DACT2: variants seen among roughly 807,000 people sequenced by gnomAD.
DACT2 encodes the protein dishevelled binding antagonist of beta catenin 2, also known as dapper homolog 2.
DACT2 carries 20 observed loss-of-function variants against 22.2 expected under a neutral mutation model. The observed-to-expected ratio is 0.90, with a 90% CI of 0.63 to 1.31. DACT2 has a LOEUF of 1.31. Among genes scored for constraint, DACT2 ranks in the 50% most tolerant of loss-of-function variants. DACT2 has a pLI of 0.00. For synonymous variants in DACT2, 463 were observed against 479.8 expected, an observed-to-expected ratio of 0.96 and a Z score of 0.46; for missense variants, 1,048 against 1,061.4, an observed-to-expected ratio of 0.99 and a Z score of 0.18.
intron 2 of DACT2, 54 bp from the exon 3 acceptor site, chr6:168,310,500 C>T (rs1431230545): frequency 4.1e-5 from 63 of 1,522,174 alleles, no homozygotes; most frequent in Admixed American, 2.4e-5. Flanking sequence ...AAGCCCAGGG[C>T]CCCCTCTCCT....
chr6:168,296,995 T>C (rs1336421448), intron 3 of DACT2, among the ~76,000 whole-genome samples: 2 of 152,218 alleles, frequency 1.3e-5, no homozygotes, highest in African/African-American at 4.8e-5. Flanking sequence ...ATGTAGAGGT[T>C]AATTCACAAA....
At position 168,293,854 on chromosome 6, in the gene DACT2, T is replaced by G. The variant is rs1355001706; in HGVS notation, c.*40A>C. On this transcript the variant is annotated 3_prime_UTR_variant, in exon 6 of 6. Transcript: ENST00000366796. ...CAGGACCCGACTTCCAGCCTGTGAC[T>G]GGTCAGTCAATGCAGCCCCCAGCTT... 7.1e-6 allele frequency: 5 copies of G among 703,088 alleles called. No individual in the cohort carries two copies. The East Asian group carries it at 8.0e-5, about 11-fold the overall frequency. The allele number at this position is 703,088 out of a possible 1,614,324, so 43.6% of individuals were successfully genotyped here. A position where few individuals can be genotyped will look rare whatever the true frequency, so the allele number is the denominator to read the frequency against.
intron 1 of DACT2, among the ~76,000 whole-genome samples, chr6:168,311,971 T>C (rs1779432032): frequency 6.6e-6 from 1 of 152,184 alleles, no homozygotes; most frequent in African/African-American, 2.4e-5. Context: ...CCTTGGTGCC[T>C]GGGGAGCACA....
rs73789362 is a variant in DACT2 at position 168,307,821 on chromosome 6, C to A, written c.1936G>T (p.Gly646Cys). The A allele has an allele frequency of 0.013, 20,620 of 1,539,294 alleles. 893 individuals are homozygous for A. Among genetic ancestry groups the A allele is most frequent in the African/African-American group, 0.12 (8,835 of 73,028 alleles). Residue 646 changes from glycine (G) to cysteine (C), a missense_variant, in exon 4 of 4, where the codon GGC becomes TGC. Transcript: ENST00000366795. This position sits in a 1 kb window ranked among gnomAD's most constrained non-coding sequence, Gnocchi z 5.3. ...TCCTGGCGGACCAGTGAGGGACGGCCCCGGGCCAGTGGGCCACCTGCTCTC... is the reference window on the plus strand; with the variant it reads ...TCCTGGCGGACCAGTGAGGGACGGCACCGGGCCAGTGGGCCACCTGCTCTC... ...ARRAGGPLAR[G>C]RPSLVRQDAY...
Position 168,293,020 on chromosome 6 carries a change from C to A in DACT2, c.*874G>T, listed in dbSNP as rs1006916736. On this transcript the variant is annotated 3_prime_UTR_variant, in exon 6 of 6. Coordinates refer to the DACT2 transcript ENST00000366796. ...ATTTACAACCTAATTCTGGCAGTGT[C>A]CTAAAAAGACACATTGTAAATAATT... 2.4e-4 allele frequency: 37 copies of A among 152,068 alleles called. 1 individual carries two copies. Among genetic ancestry groups the A allele is most frequent in the Admixed American group, 2.0e-3 (31 of 15,268 alleles). 9.4% of individuals were successfully genotyped at this position (152,068 alleles called of 1,614,324 possible). A position where few individuals can be genotyped will look rare whatever the true frequency, so the allele number is the denominator to read the frequency against.
chr6:168,311,569 A>ACACTCACAC (rs1562498471), intron 1 of DACT2, among the ~76,000 whole-genome samples: 1 of 62,836 alleles, frequency 1.6e-5, no homozygotes, highest in African/African-American at 5.6e-5. Context: ...CTCACACACA[A>ACACTCACAC]ACACACACAC....
chr6:168,293,299 A>C (rs545101594), exon 6 of DACT2: 2 of 153,078 alleles, frequency 1.3e-5, no homozygotes, highest in African/African-American at 4.8e-5. Flanking sequence ...TCTTATTAAC[A>C]TAGTGAATGA....
intron 3 of DACT2, chr6:168,294,786 A>AATG: frequency 3.5e-6 from 2 of 564,588 alleles, no homozygotes; most frequent in Non-Finnish European, 5.5e-6. Context: ...CTGCAGCTTC[A>AATG]ATGATTCTGC....
rs971463179 is a variant in DACT2 at position 168,307,417 on chromosome 6, C to T, written c.*15G>A. ...CCTGTGTGCAGCAGGCTTCTCTTGA[C>T]GCAGTCACTGCACCTCACACCATGG... is the stretch of plus-strand genomic sequence containing the variant. On this transcript the variant is annotated 3_prime_UTR_variant, in exon 4 of 4. Transcript: ENST00000366795. The surrounding 1 kb of genome is among the most constrained non-coding windows in gnomAD (Gnocchi z 5.3). 51 of 1,551,002 alleles carry T rather than the reference C, an allele frequency of 3.3e-5. No homozygotes were observed. The highest frequency in any genetic ancestry group is 6.0e-5 in the South Asian group (5 of 83,982).
intron 1 of DACT2, among the ~76,000 whole-genome samples, chr6:168,316,292 G>A (rs1022192064): frequency 1.5e-4 from 22 of 151,142 alleles, no homozygotes; most frequent in Admixed American, 1.3e-3. Flanking sequence ...TGTGGCTGTC[G>A]TGTGCTGAGC....
chr6:168,294,602 T>TATATATAC lies in DACT2; in HGVS notation c.730+30_730+31insGTATATAT, dbSNP rs768380927. ...GTATATATATATATATATATATATA[T>TATATATAC]ACACATATAAAGAAGAACATCCTTC... On this transcript the variant is annotated intron_variant, in intron 4 of 5. Coordinates refer to the DACT2 transcript ENST00000366796. 19 of 812,904 alleles carry TATATATAC rather than the reference T, an allele frequency of 2.3e-5. No homozygotes were observed. In the African/African-American group the frequency reaches 4.3e-4, roughly 19 times the overall value. The allele number at this position is 812,904 out of a possible 1,614,324, so 50.4% of individuals were successfully genotyped here. A position where few individuals can be genotyped will look rare whatever the true frequency, so the allele number is the denominator to read the frequency against.
At chr6:168,302,889 A>G (rs991610551), downstream of DACT2, among the ~76,000 whole-genome samples, 4 of 152,194 alleles carry the variant, frequency 2.6e-5, no homozygotes, top group African/African-American at 9.7e-5. Flanking sequence ...CGGTGTGTGA[A>G]CATGCCCAGT....
intron 4 of DACT2, chr6:168,294,547 A>G: frequency 2.7e-6 from 2 of 752,502 alleles, no homozygotes; most frequent in Non-Finnish European, 3.8e-6. Context: ...ATAATAAAAT[A>G]TGTGTGTGTG....
rs748060807 is a variant in DACT2 at position 168,309,068 on chromosome 6, G to C, written c.689C>G (p.Thr230Arg). The change falls in exon 4 of 4, where the codon ACG becomes AGG. Residue 230 changes from threonine to arginine, a missense_variant. Coordinates refer to ENST00000366795, the MANE Select transcript of DACT2 (RefSeq NM_214462.5). Reference sequence around the variant, plus strand: ...GTCCGCGCTGGCTTTCTGGAGCCCCGTGTCCGCCGGCAGGGCTCTGTCAAG... The same window carrying C: ...GTCCGCGCTGGCTTTCTGGAGCCCCCTGTCCGCCGGCAGGGCTCTGTCAAG... The part of the protein sequence containing the change: ...GDLDRALPAD[T>R]GLQKASADAE... The C allele has an allele frequency of 1.2e-5, 19 of 1,535,568 alleles. No homozygotes were observed. Among genetic ancestry groups the C allele is most frequent in the Admixed American group, 2.0e-5 (1 of 50,750 alleles).
exon 6 of DACT2, chr6:168,293,658 T>C: frequency 1.8e-6 from 1 of 549,722 alleles, no homozygotes; most frequent in East Asian, 3.1e-5. Context: ...CATTCTCTCT[T>C]ACGTCCATTA....
chr6:168,307,413 T>C lies in DACT2; in HGVS notation c.*19A>G. ...GGCCCCTGTGTGCAGCAGGCTTCTCTTGACGCAGTCACTGCACCTCACACC... is the reference window on the plus strand; with the variant it reads ...GGCCCCTGTGTGCAGCAGGCTTCTCCTGACGCAGTCACTGCACCTCACACC... On this transcript the variant is annotated 3_prime_UTR_variant, in exon 4 of 4. Coordinates refer to ENST00000366795, the MANE Select transcript of DACT2 (RefSeq NM_214462.5). The surrounding 1 kb of genome is among the most constrained non-coding windows in gnomAD (Gnocchi z 5.3). 6.4e-7 allele frequency: 1 copy of C among 1,551,196 alleles called. No individual in the cohort carries two copies. The highest frequency in any genetic ancestry group is 8.7e-7 in the Non-Finnish European group (1 of 1,146,818).
chr6:168,308,734 C>T lies in DACT2; in HGVS notation c.1023G>A (p.Trp341Ter). The change falls in exon 4 of 4, where the codon TGG (tryptophan) becomes TGA (stop). Residue 341 changes from tryptophan (W) to a stop codon, truncating the protein, a stop_gained. Coordinates refer to ENST00000366795, the MANE Select transcript of DACT2 (RefSeq NM_214462.5). LOFTEE classifies it low-confidence loss of function (END_TRUNC). ...TACCCTTTGCTGGGGTCTCCCGGCC[C>T]CACAGATGCAGCAACCTGTCGATAT... ...RAYIDRLLHL[W>*]GRETPAKGSE... 1 of 1,551,000 alleles carries T rather than the reference C, an allele frequency of 6.4e-7. No individual in the cohort carries two copies. The highest frequency in any genetic ancestry group is 8.7e-7 in the Non-Finnish European group (1 of 1,146,924).
intron 1 of DACT2, among the ~76,000 whole-genome samples, chr6:168,312,185 C>T (rs891093219): frequency 3.9e-5 from 6 of 152,144 alleles, no homozygotes; most frequent in African/African-American, 9.7e-5. Flanking sequence ...GCTTGAAAAT[C>T]GGCCTTCAGG....
In DACT2 at chr6:168,307,788, TGTA is replaced by T. The variant is rs1394331423; in HGVS notation, c.1966_1968del (p.Tyr656del). 1.2e-5 allele frequency: 18 copies of T among 1,544,036 alleles called. No homozygotes were observed. The highest frequency in any genetic ancestry group is 1.6e-5 in the Non-Finnish European group (18 of 1,146,434). On this transcript the variant is annotated inframe_deletion, in exon 4 of 4. Coordinates refer to ENST00000366795, the MANE Select transcript of DACT2 (RefSeq NM_214462.5). This position sits in a 1 kb window ranked among gnomAD's most constrained non-coding sequence, Gnocchi z 5.3. ...TTGGAGGGCTCTGAGTCGCTCCTGGTGTAGGCGTCCTGGCGGACCAGTGAGGGA... is the reference window on the plus strand; with the variant it reads ...TTGGAGGGCTCTGAGTCGCTCCTGGTGGCGTCCTGGCGGACCAGTGAGGGA...
Sources: gnomAD v4.1 joint callset for allele counts (sites outside exome capture counted in the v4.1 genomes callset) on GRCh38, gnomAD v4.1.1 for gene constraint, Gnocchi (gnomAD v3.1) non-coding constraint, MANE v1.5 for transcripts, NCBI Gene and HGNC (gene_info 2026-07-23, HGNC 2026-07-21) for gene names.